Variants in PITPNM1 observed in about 807,000 individuals in gnomAD.
The protein encoded by PITPNM1 is membrane-associated phosphatidylinositol transfer protein 1.
A neutral mutation model predicts 133.3 loss-of-function variants in PITPNM1; 74 were observed. The observed-to-expected ratio is 0.56, with a 90% CI of 0.46 to 0.67. The LOEUF (loss-of-function observed/expected upper bound fraction) is 0.67, where lower values mean the gene tolerates loss of function less well. PITPNM1 is among the 30% of genes least tolerant of loss of function. The pLI, the probability that PITPNM1 is intolerant of heterozygous loss-of-function variation, is 0.00. For synonymous variants in PITPNM1, 738 were observed against 741.4 expected (o/e 1.00, Z 0.08); for missense variants, 1,398 against 1,739.5 (o/e 0.80, Z 3.49).
Position 67,498,749 on chromosome 11 carries a change from C to A in PITPNM1, c.1331G>T (p.Gly444Val). The change falls in exon 10 of 24, where the codon GGA becomes GTA. Residue 444 changes from glycine to valine, a missense_variant. Gly to Val is a moderately radical substitution (Grantham distance 109, BLOSUM62 -3). Around this residue, in one of 5 missense-constraint regions of PITPNM1, gnomAD observed 574 missense variants for 698.7 expected, o/e 0.82. Transcript: ENST00000356404. The surrounding 1 kb of genome is among the most constrained non-coding windows in gnomAD (Gnocchi z 5.7). ...HSGNILDSGP[G>V]DANSKQADVQ... ...ATCCGCCTGCTTGGAGTTGGCGTCT[C>A]CAGGGCCTGAGTCCAGGATGTTGCC... 5 of 1,611,466 alleles carry A rather than the reference C, an allele frequency of 3.1e-6. No individual in the cohort carries two copies. In the East Asian group the frequency reaches 1.1e-4, roughly 36 times the overall value.
In PITPNM1 at chr11:67,500,437, C is replaced by T. The variant is rs200282518; in HGVS notation, c.641-16G>A. 1.5e-5 allele frequency: 24 copies of T among 1,597,484 alleles called. No homozygotes were observed. The highest frequency in any genetic ancestry group is 6.7e-5 in the East Asian group (3 of 44,732). On this transcript the variant is annotated splice_polypyrimidine_tract_variant and intron_variant, in intron 5 of 23. Transcript: ENST00000356404. ...CGACGCAGACCTGCAGGTGCCCAGG[C>T]GTCAGAACTGCCCCCTCCCCCTGCT...
chr11:67,491,867 C>G lies in PITPNM1; in HGVS notation c.*166G>C, dbSNP rs776089972. The G allele has an allele frequency of 2.6e-6, 2 of 755,518 alleles. No individual in the cohort carries two copies. Among genetic ancestry groups the G allele is most frequent in the Non-Finnish European group, 4.2e-6 (2 of 480,142 alleles). 46.8% of individuals were successfully genotyped at this position (755,518 alleles called of 1,614,324 possible). A position where few individuals can be genotyped will look rare whatever the true frequency, so the allele number is the denominator to read the frequency against. On this transcript the variant is annotated 3_prime_UTR_variant, in exon 24 of 24. Coordinates refer to ENST00000356404, the MANE Select transcript of PITPNM1 (RefSeq NM_004910.3). Reference sequence around the variant, plus strand: ...CTCCCTCCCCCCGGCGCTGGGTCCCCTCATATGAAAGGGAAGTAACACCGA... The same window carrying G: ...CTCCCTCCCCCCGGCGCTGGGTCCCGTCATATGAAAGGGAAGTAACACCGA...
chr11:67,503,554 T>A (rs896837367), intron 2 of PITPNM1, among the ~76,000 whole-genome samples: 7 of 152,184 alleles, frequency 4.6e-5, no homozygotes, highest in African/African-American at 2.4e-5. Context: ...TCTTGCTTTA[T>A]GAGATTCTGG....
At position 67,495,123 on chromosome 11, in the gene PITPNM1, G is replaced by C. The variant is rs1866074743; in HGVS notation, c.2585C>G (p.Ala862Gly). ...PTVTLPHLFH[A>G]SYWESADVVA... Reference sequence around the variant, plus strand: ...CACGTCGGCGGACTCCCAGTAGCTGGCGTGGAAGAGGTGGGGCAGCGTGAC... The same window carrying C: ...CACGTCGGCGGACTCCCAGTAGCTGCCGTGGAAGAGGTGGGGCAGCGTGAC... The change falls in exon 17 of 24, where the codon GCC becomes GGC. Residue 862 changes from alanine to glycine, a missense_variant. Ala to Gly is a moderately conservative substitution (Grantham distance 60). Coordinates refer to ENST00000356404, the MANE Select transcript of PITPNM1 (RefSeq NM_004910.3). 6.2e-7 allele frequency: 1 copy of C among 1,612,856 alleles called. No individual in the cohort carries two copies. Among genetic ancestry groups the C allele is most frequent in the Non-Finnish European group, 8.5e-7 (1 of 1,179,908 alleles).
chr11:67,497,808 G>A, intron 12 of PITPNM1, 109 bp downstream of exon 12: 2 of 1,443,434 alleles, frequency 1.4e-6, no homozygotes, highest in Non-Finnish European at 1.9e-6. Context: ...AACTGGCAGG[G>A]CAGCAGGGGG....
Position 67,497,994 on chromosome 11 carries a change from T to C in PITPNM1, c.1705A>G (p.Ile569Val). ...TGGCAGAGTGCATCAAAGCCCAGGA[T>C]GCCACCAACACCATCTCCAATCAGT... ...VALIGDGVGG[I>V]LGFDALCHSA... Residue 569 changes from isoleucine (I) to valine (V), a missense_variant, in exon 12 of 24, where the codon ATC (isoleucine) becomes GTC (valine). Ile to Val is a conservative substitution (Grantham distance 29, BLOSUM62 3). Around this residue, in one of 5 missense-constraint regions of PITPNM1, gnomAD observed 574 missense variants for 698.7 expected, o/e 0.82. Coordinates refer to ENST00000356404, the MANE Select transcript of PITPNM1 (RefSeq NM_004910.3). 6.2e-7 allele frequency: 1 copy of C among 1,610,946 alleles called. No homozygotes were observed.
upstream of PITPNM1, among the ~76,000 whole-genome samples, chr11:67,505,675 TCTCA>T (rs1322925790): frequency 1.3e-5 from 2 of 152,084 alleles, no homozygotes; most frequent in African/African-American, 2.4e-5. This position sits in a 1 kb window ranked among gnomAD's most constrained non-coding sequence, Gnocchi z 5.8. Flanking sequence ...ACTCTCCTCT[TCTCA>T]CTCTCTGCAG....
rs1400067935 is a variant in PITPNM1 at position 67,504,826 on chromosome 11, G to A, written c.-42+362C>T. 6.5e-6 allele frequency: 1 copy of A among 152,788 alleles called. No individual in the cohort carries two copies. Among genetic ancestry groups the A allele is most frequent in the African/African-American group, 2.4e-5 (1 of 41,452 alleles). The allele number at this position is 152,788 out of a possible 1,614,324, so 9.5% of individuals were successfully genotyped here. On this transcript the variant is annotated intron_variant, in intron 1 of 23. Coordinates refer to ENST00000356404, the MANE Select transcript of PITPNM1 (RefSeq NM_004910.3). The surrounding 1 kb of genome is among the most constrained non-coding windows in gnomAD (Gnocchi z 5.4). Reference sequence around the variant, plus strand: ...GACCGGTAATCTCCTCCGCCCTCCAGATCTGCCTTCTTGGGCAGCCGGGTC... The same window carrying A: ...GACCGGTAATCTCCTCCGCCCTCCAAATCTGCCTTCTTGGGCAGCCGGGTC...
Position 67,500,004 on chromosome 11 carries a change from C to T in PITPNM1, c.973G>A (p.Val325Met). 1 of 1,612,110 alleles carries T rather than the reference C, an allele frequency of 6.2e-7. No homozygotes were observed. The highest frequency in any genetic ancestry group is 8.5e-7 in the Non-Finnish European group (1 of 1,179,588). ...CACTCAGACAAGCTCTGGGGAGACACAGCCCCTGCCGGGCCAGCTCAGCCT... is the reference window on the plus strand; with the variant it reads ...CACTCAGACAAGCTCTGGGGAGACATAGCCCCTGCCGGGCCAGCTCAGCCT... ...SSYSSQHGGA[V>M]SPQSLSEWRM... is the part of the protein sequence containing the mutation. Residue 325 changes from valine to methionine, a missense_variant, in exon 7 of 24, where the codon GTG becomes ATG. Val to Met is a conservative substitution (Grantham distance 21). Transcript: ENST00000356404.
At chr11:67,494,439 C>T in intron 18 of PITPNM1, 79 bp from the exon 19 acceptor site, 1 of 962,200 alleles carries the variant, frequency 1.0e-6, no homozygotes, top group South Asian at 1.7e-5. Context: ...TGAGGATCCA[C>T]ACGCAAACAC....
rs752577983 is a variant in PITPNM1, at chr11:67,502,309, C to T, written c.398G>A (p.Arg133Lys). The T allele has an allele frequency of 3.4e-5, 55 of 1,613,392 alleles. No individual in the cohort carries two copies. The highest frequency in any genetic ancestry group is 2.4e-4 in the South Asian group (22 of 91,078). The change falls in exon 4 of 24, where the codon AGG becomes AAG. Residue 133 changes from arginine to lysine, a missense_variant. This residue lies in a region of PITPNM1 where 274 missense variants were observed against 360.7 expected (regional missense o/e 0.76). Transcript: ENST00000356404. This position sits in a 1 kb window ranked among gnomAD's most constrained non-coding sequence, Gnocchi z 5.9. Reference protein sequence around the residue: ...PNVFNLSGAERRQRILDTIDI... With the variant: ...PNVFNLSGAEKRQRILDTIDI... Reference sequence around the variant, plus strand: ...GGCCTCACCCAGGATGCGCTGTCTCCTCTCGGCCCCGCTCAGGTTGAAGAC... The same window carrying T: ...GGCCTCACCCAGGATGCGCTGTCTCTTCTCGGCCCCGCTCAGGTTGAAGAC...
Position 67,500,021 on chromosome 11 carries a change from GCTCAGC to G in PITPNM1, c.968-18_968-13del. The G allele has an allele frequency of 6.2e-7, 1 of 1,611,220 alleles. No homozygotes were observed. Among genetic ancestry groups the G allele is most frequent in the African/African-American group, 1.3e-5 (1 of 75,032 alleles). On this transcript the variant is annotated splice_polypyrimidine_tract_variant and intron_variant, in intron 6 of 23. Coordinates refer to ENST00000356404, the MANE Select transcript of PITPNM1 (RefSeq NM_004910.3). ...GGGAGACACAGCCCCTGCCGGGCCA[GCTCAGC>G]CTCAGCCTCAGCCCAGGAGCCCAGC...
rs775439697 is a variant in PITPNM1, at chr11:67,497,587, C to T, written c.1875G>A (p.Ser625=). ...EGLGRGSPEP[S]ALPPQRIPSD... is the part of the protein sequence containing the mutation. ...TGGGGATGCGCTGGGGAGGCAAGGC[C>T]GAGGGTTCTGGGCTGCCCCGACCCA... The change falls in exon 13 of 24, where the codon TCG becomes TCA. Residue 625 remains serine, a synonymous_variant. Transcript: ENST00000356404. 17 of 1,607,526 alleles carry T rather than the reference C, an allele frequency of 1.1e-5. No individual in the cohort carries two copies. The highest frequency in any genetic ancestry group is 6.6e-5 in the South Asian group (6 of 90,450).
Position 67,496,305 on chromosome 11 carries a change from G to A in PITPNM1, c.2190C>T (p.Phe730=). 1 of 1,583,446 alleles carries A rather than the reference G, an allele frequency of 6.3e-7. No homozygotes were observed. Among genetic ancestry groups the A allele is most frequent in the Non-Finnish European group, 8.6e-7 (1 of 1,169,200 alleles). ...GTGAGGCGCAGGGGTCAGCCGCGTG[G>A]AAGAGGTTGTAGATCTGTTCACAGG... ...RPACEQIYNL[F]HAADPCASRL... Residue 730 remains phenylalanine (F), a synonymous_variant, in exon 15 of 24, where the codon TTC becomes TTT. Coordinates refer to ENST00000356404, the MANE Select transcript of PITPNM1 (RefSeq NM_004910.3).
upstream of PITPNM1, among the ~76,000 whole-genome samples, chr11:67,505,824 C>T (rs1022758747): frequency 6.6e-6 from 1 of 152,208 alleles, no homozygotes; most frequent in Admixed American, 6.5e-5. The surrounding 1 kb of genome is among the most constrained non-coding windows in gnomAD (Gnocchi z 5.8). Context: ...CCCAGCTACA[C>T]GCCCAGGCAG....
In PITPNM1 at chr11:67,498,681, G is replaced by A. The variant is rs762043089; in HGVS notation, c.1399C>T (p.His467Tyr). 1 of 1,603,378 alleles carries A rather than the reference G, an allele frequency of 6.2e-7. No homozygotes were observed. The highest frequency in any genetic ancestry group is 1.7e-5 in the Admixed American group (1 of 60,024). Residue 467 changes from histidine to tyrosine, a missense_variant, in exon 10 of 24, where the codon CAC becomes TAC. His to Tyr is a moderately conservative substitution (Grantham distance 83). Around this residue, in one of 5 missense-constraint regions of PITPNM1, gnomAD observed 574 missense variants for 698.7 expected, o/e 0.82. Transcript: ENST00000356404. This position sits in a 1 kb window ranked among gnomAD's most constrained non-coding sequence, Gnocchi z 5.7. ...ACGTGGCCCAAGGCCTCAGGGAAGTGGATGCGGGTGACGGCCTCGAAGGCG... is the reference window on the plus strand; with the variant it reads ...ACGTGGCCCAAGGCCTCAGGGAAGTAGATGCGGGTGACGGCCTCGAAGGCG... ...SSAFEAVTRI[H>Y]FPEALGHVAL...
intron 15 of PITPNM1, 114 bp downstream of exon 15, chr11:67,496,064 G>T: frequency 9.9e-7 from 1 of 1,011,502 alleles, no homozygotes; most frequent in Non-Finnish European, 1.4e-6. Context: ...GGTCCTGGGA[G>T]TGGTGGCCTG....
chr11:67,496,896 C>A (rs1866137364), intron 14 of PITPNM1: 1 of 217,260 alleles, frequency 4.6e-6, no homozygotes, highest in Non-Finnish European at 8.9e-6. Context: ...AGGCCACTGA[C>A]ACTCTAGTCT....
At chr11:67,497,170 G>A (rs1046831759) in intron 14 of PITPNM1, 61 bp downstream of exon 14, 40 of 1,378,780 alleles carry the variant, frequency 2.9e-5, no homozygotes, top group Non-Finnish European at 3.8e-5. Flanking sequence ...AAGGCCAGAG[G>A]AGGTGGGGAA....
Sources: gnomAD v4.1 joint callset for allele counts (sites outside exome capture counted in the v4.1 genomes callset) on GRCh38, gnomAD v4.1.1 for gene constraint, gnomAD v4.1.1 regional missense constraint, Gnocchi (gnomAD v3.1) non-coding constraint, MANE v1.5 for transcripts, NCBI Gene and HGNC (gene_info 2026-07-23, HGNC 2026-07-21) for gene names.